Variants in SIAH2 observed in about 807,000 individuals in gnomAD.
SIAH2 encodes siah E3 ubiquitin protein ligase 2.
Under a neutral mutation model 20.4 loss-of-function variants are expected in SIAH2, and 4 were observed. The observed-to-expected ratio is 0.20, with a 90% CI of 0.10 to 0.45. The LOEUF is 0.45. Ranked by LOEUF, SIAH2 falls within the 20% of genes least tolerant of loss-of-function variation. The pLI, the probability that SIAH2 is intolerant of heterozygous loss-of-function variation, is 0.99. For synonymous variants in SIAH2, 171 were observed against 192.5 expected, an observed-to-expected ratio of 0.89 and a Z score of 0.93; for missense variants, 259 against 440.3, an observed-to-expected ratio of 0.59 and a Z score of 3.69.
chr3:150,755,284 G>A (rs57965761), intron 1 of SIAH2, among the ~76,000 whole-genome samples: 16,195 of 148,402 alleles, frequency 0.11, 1,825 homozygotes, highest in East Asian at 0.37. Flanking sequence ...ATAGGCCGGC[G>A]CATTAGCAAA....
rs370244355 is a variant in SIAH2, at chr3:150,754,479, C to CA, written c.417+7953dup. Among the ~76,000 whole-genome samples the CA allele has an allele frequency of 1.2e-3, 178 of 152,322 alleles. 2 individuals carry two copies. The highest frequency in any genetic ancestry group is 4.1e-3 in the African/African-American group (169 of 41,570). ...ACCCCCAAGATCCAACCACCTGCCC[C>CA]AGGCCCCACCTCCAACATTGGGGAT... On this transcript the variant is annotated intron_variant, in intron 1 of 1. Coordinates refer to ENST00000312960, the MANE Select transcript of SIAH2 (RefSeq NM_005067.7).
In SIAH2 at chr3:150,741,490, GA is replaced by G. The variant is rs1714086149; in HGVS notation, c.*650del. On this transcript the variant is annotated 3_prime_UTR_variant, in exon 2 of 2. Transcript: ENST00000312960. ...GGGGAAGTTAGGGGATGAAACAGTA[GA>G]AAGACAAACAGTATCGGCAGAGGGC... 6.6e-6 allele frequency: 1 copy of G among 152,526 alleles called. No individual in the cohort carries two copies. Among genetic ancestry groups the G allele is most frequent in the Non-Finnish European group, 1.5e-5 (1 of 68,038 alleles). The allele number at this position is 152,526 out of a possible 1,614,324, so 9.4% of individuals were successfully genotyped here.
rs566281525 is a variant in SIAH2, at chr3:150,742,944, G to A, written c.418-246C>T. ...CGCTGTTTTCCATGCCCCCTGTTCC[G>A]CTGTCAAAGGGATCAGAACTAAAGT... On this transcript the variant is annotated intron_variant, in intron 1 of 1. Transcript: ENST00000312960. This position sits in a 1 kb window ranked among gnomAD's most constrained non-coding sequence, Gnocchi z 4.8. 2.0e-5 allele frequency among the ~76,000 whole-genome samples: 3 copies of A among 152,262 alleles called. No individual in the cohort carries two copies. Among genetic ancestry groups the A allele is most frequent in the African/African-American group, 4.8e-5 (2 of 41,546 alleles).
rs1440946207 is a variant in SIAH2 at position 150,762,317 on chromosome 3, C to CTTTCT, written c.417+115_417+116insAGAAA. On this transcript the variant is annotated intron_variant, in intron 1 of 1. Coordinates refer to ENST00000312960, the MANE Select transcript of SIAH2 (RefSeq NM_005067.7). This position sits in a 1 kb window ranked among gnomAD's most constrained non-coding sequence, Gnocchi z 6.6. ...GGTGGACGAAGTGTAAACATTTTTT[C>CTTTCT]TTTTTTTTTTTTAAATGAGAGATGC... 325 of 1,159,320 alleles carry CTTTCT rather than the reference C, an allele frequency of 2.8e-4. 1 individual carries two copies. The East Asian group carries it at 3.7e-3, about 13-fold the overall frequency. 71.8% of individuals were successfully genotyped at this position (1,159,320 alleles called of 1,614,324 possible). A position where few individuals can be genotyped will look rare whatever the true frequency, so the allele number is the denominator to read the frequency against.
Position 150,762,833 on chromosome 3 carries a change from G to C in SIAH2, c.17C>G (p.Ser6Cys). Residue 6 changes from serine (S) to cysteine (C), a missense_variant, in exon 1 of 2, where the codon TCC becomes TGC. Physicochemically the swap from Ser to Cys is moderately radical, Grantham distance 112. Transcript: ENST00000312960. The surrounding 1 kb of genome is among the most constrained non-coding windows in gnomAD (Gnocchi z 6.6). Reference protein sequence around the residue: MSRPSSTGPSANKPCS... With the variant: MSRPSCTGPSANKPCS... ...GGGTTTATTAGCGCTGGGGCCGGTG[G>C]AGGACGGGCGGCTCATCGCGCTCCG... is the stretch of plus-strand genomic sequence containing the variant. 9 of 1,216,480 alleles carry C rather than the reference G, an allele frequency of 7.4e-6. No homozygotes were observed. Among genetic ancestry groups the C allele is most frequent in the Non-Finnish European group, 9.3e-6 (9 of 963,902 alleles). 75.4% of individuals were successfully genotyped at this position (1,216,480 alleles called of 1,614,324 possible).
At chr3:150,757,145 G>T (rs1433483682) in intron 1 of SIAH2, among the ~76,000 whole-genome samples, 12 of 152,124 alleles carry the variant, frequency 7.9e-5, no homozygotes, top group Non-Finnish European at 4.4e-5. Context: ...TCTAATGGAT[G>T]AACAAACAGG....
intron 1 of SIAH2, among the ~76,000 whole-genome samples, chr3:150,755,490 C>A (rs562459696): frequency 6.6e-6 from 1 of 151,338 alleles, no homozygotes; most frequent in East Asian, 1.9e-4. Flanking sequence ...GCCACCATGC[C>A]CAGCTAATTT....
At chr3:150,744,522 T>A (rs530749421) in intron 1 of SIAH2, among the ~76,000 whole-genome samples, 3 of 152,294 alleles carry the variant, frequency 2.0e-5, no homozygotes, top group African/African-American at 7.2e-5. Context: ...GAAAAACAAA[T>A]CCCTATTAAC....
intron 1 of SIAH2, among the ~76,000 whole-genome samples, chr3:150,754,120 A>T (rs1714430814): frequency 6.6e-6 from 1 of 152,250 alleles, no homozygotes; most frequent in Non-Finnish European, 1.5e-5. Context: ...ATTATGAAAC[A>T]GTGTAGACAA....
chr3:150,744,738 A>G (rs1714171962), intron 1 of SIAH2, among the ~76,000 whole-genome samples: 1 of 152,200 alleles, frequency 6.6e-6, no homozygotes, highest in South Asian at 2.1e-4. Context: ...ATAGCTGCCC[A>G]GGAATGAGAT....
Position 150,762,969 on chromosome 3 carries a change from G to A in SIAH2, c.-120C>T, listed in dbSNP as rs1352247018. ...GGCAACGCCACGGCGCCCAGCCCAG[G>A]TCCGGGCGGCGGAGACGCTCGGCGC... On this transcript the variant is annotated 5_prime_UTR_variant, in exon 1 of 2. Coordinates refer to ENST00000312960, the MANE Select transcript of SIAH2 (RefSeq NM_005067.7). The surrounding 1 kb of genome is among the most constrained non-coding windows in gnomAD (Gnocchi z 6.6). 13 of 1,080,220 alleles carry A rather than the reference G, an allele frequency of 1.2e-5. No individual in the cohort carries two copies. The African/African-American group carries it at 2.2e-4, about 18-fold the overall frequency. 66.9% of individuals were successfully genotyped at this position (1,080,220 alleles called of 1,614,324 possible). A position where few individuals can be genotyped will look rare whatever the true frequency, so the allele number is the denominator to read the frequency against.
At chr3:150,755,646 T>C (rs1201231201) in intron 1 of SIAH2, among the ~76,000 whole-genome samples, 1 of 152,024 alleles carries the variant, frequency 6.6e-6, no homozygotes, top group African/African-American at 2.4e-5. Flanking sequence ...GCCTCCCAAG[T>C]AGCTGGGATT....
intron 1 of SIAH2, among the ~76,000 whole-genome samples, chr3:150,746,594 T>C (rs1055390696): frequency 1.1e-4 from 17 of 152,146 alleles, no homozygotes; most frequent in African/African-American, 3.9e-4. Flanking sequence ...TAGATGCCAA[T>C]AGCAACCACC....
rs543614753 is a variant in SIAH2, at chr3:150,745,344, G to A, written c.418-2646C>T. Reference sequence around the variant, plus strand: ...AATGGCATGTCAGAGCACCATGGGTGTTTTGTCACTTTCATCAGGGGCTCT... The same window carrying A: ...AATGGCATGTCAGAGCACCATGGGTATTTTGTCACTTTCATCAGGGGCTCT... On this transcript the variant is annotated intron_variant, in intron 1 of 1. Coordinates refer to ENST00000312960, the MANE Select transcript of SIAH2 (RefSeq NM_005067.7). 9.5e-4 allele frequency among the ~76,000 whole-genome samples: 144 copies of A among 152,010 alleles called. 1 individual carries two copies. Among genetic ancestry groups the A allele is most frequent in the Non-Finnish European group, 1.8e-3 (122 of 67,988 alleles).
intron 1 of SIAH2, among the ~76,000 whole-genome samples, chr3:150,754,317 T>G (rs1012421691): frequency 4.2e-4 from 64 of 151,626 alleles, no homozygotes; most frequent in Middle Eastern, 3.2e-3. Flanking sequence ...AAAGGGGGAG[T>G]GAGGCATCTC....
chr3:150,762,944 G>A lies in SIAH2; in HGVS notation c.-95C>T, dbSNP rs1449886877. On this transcript the variant is annotated 5_prime_UTR_variant, in exon 1 of 2. Transcript: ENST00000312960. This position sits in a 1 kb window ranked among gnomAD's most constrained non-coding sequence, Gnocchi z 6.6. ...GCGCCCCGCGGGCAGCGAGCTCCGA[G>A]GCAACGCCACGGCGCCCAGCCCAGG... The A allele has an allele frequency of 5.4e-6, 6 of 1,105,216 alleles. No individual in the cohort carries two copies. Among genetic ancestry groups the A allele is most frequent in the African/African-American group, 1.7e-5 (1 of 59,426 alleles). The allele number at this position is 1,105,216 out of a possible 1,614,324, so 68.5% of individuals were successfully genotyped here.
At chr3:150,760,323 AG>A (rs1038189316) in intron 1 of SIAH2, among the ~76,000 whole-genome samples, 26 of 152,240 alleles carry the variant, frequency 1.7e-4, no homozygotes, top group Non-Finnish European at 2.6e-4. Flanking sequence ...CTTGGTCTGC[AG>A]GGGAATAATT....
At chr3:150,746,709 A>G (rs540523670) in intron 1 of SIAH2, among the ~76,000 whole-genome samples, 3 of 152,326 alleles carry the variant, frequency 2.0e-5, no homozygotes, top group Admixed American at 6.5e-5. Flanking sequence ...ACTGACTCTG[A>G]TAAGAACTAC....
Position 150,742,715 on chromosome 3 carries a change from G to T in SIAH2, c.418-17C>A, listed in dbSNP as rs148151216. ...GGTGGCATACTGCAAAGAAAGAAAT[G>T]CATTGAGCCATTGGGCCTTCTCAAA... On this transcript the variant is annotated splice_polypyrimidine_tract_variant and intron_variant, in intron 1 of 1. Coordinates refer to ENST00000312960, the MANE Select transcript of SIAH2 (RefSeq NM_005067.7). The surrounding 1 kb of genome is among the most constrained non-coding windows in gnomAD (Gnocchi z 4.8). The T allele has an allele frequency of 1.3e-6, 2 of 1,518,464 alleles. No individual in the cohort carries two copies. Among genetic ancestry groups the T allele is most frequent in the African/African-American group, 2.8e-5 (2 of 71,836 alleles). The allele number at this position is 1,518,464 out of a possible 1,614,324, so 94.1% of individuals were successfully genotyped here. A position where few individuals can be genotyped will look rare whatever the true frequency, so the allele number is the denominator to read the frequency against.
Sources: allele counts gnomAD v4.1 joint callset (sites outside exome capture counted in the v4.1 genomes callset), GRCh38; gene constraint gnomAD v4.1.1; non-coding constraint Gnocchi (gnomAD v3.1); transcripts MANE v1.5; gene names NCBI Gene and HGNC (gene_info 2026-07-23, HGNC 2026-07-21).